The following CDC42BPB variants were observed in gnomAD, a reference collection of about 807,000 sequenced individuals.
The protein encoded by CDC42BPB is serine/threonine-protein kinase MRCK beta.
CDC42BPB carries 37 observed loss-of-function variants against 214.9 expected under a neutral mutation model. The observed-to-expected ratio is 0.17, with a 90% CI of 0.13 to 0.23. The LOEUF (loss-of-function observed/expected upper bound fraction) is 0.23. CDC42BPB is among the 10% of genes least tolerant of loss of function. The pLI, the probability that CDC42BPB is intolerant of heterozygous loss-of-function variation, is 1.00. For missense variants in CDC42BPB, 1,694 were observed against 2,227.0 expected (o/e 0.76, Z 4.82); for synonymous variants, 931 against 884.0 (o/e 1.05, Z -0.94).
intron 3 of CDC42BPB, among the ~76,000 whole-genome samples, chr14:103,007,671 A>T (rs577801508): frequency 6.6e-6 from 1 of 152,330 alleles, no homozygotes; most frequent in Middle Eastern, 3.4e-3. Context: ...TCAGAGACAC[A>T]CGGGGCCACA....
At chr14:102,963,552 C>T (rs200311023) in intron 19 of CDC42BPB, among the ~76,000 whole-genome samples, 10 of 152,336 alleles carry the variant, frequency 6.6e-5, no homozygotes, top group Admixed American at 3.3e-4. Flanking sequence ...ACCACCCGCA[C>T]GGGTAGCCTT....
intron 27 of CDC42BPB, 128 bp from the exon 28 acceptor site, chr14:102,946,812 C>A (rs1595453770): frequency 4.8e-6 from 7 of 1,459,460 alleles, no homozygotes; most frequent in Admixed American, 5.0e-5. Flanking sequence ...CAGGCAGGGA[C>A]CCCTGACTCC....
intron 36 of CDC42BPB, among the ~76,000 whole-genome samples, chr14:102,934,679 C>G (rs1418845491): frequency 6.6e-6 from 1 of 152,128 alleles, no homozygotes; most frequent in Admixed American, 6.5e-5. Flanking sequence ...AATAAAACAG[C>G]TAACCATACC....
chr14:102,980,823 G>A lies in CDC42BPB; in HGVS notation c.1090C>T (p.Pro364Ser). 2 of 1,614,140 alleles carry A rather than the reference G, an allele frequency of 1.2e-6. No homozygotes were observed. The highest frequency in any genetic ancestry group is 2.2e-5 in the East Asian group (1 of 44,884). The change falls in exon 8 of 37, where the codon CCC (proline) becomes TCC (serine). Residue 364 changes from proline to serine, a missense_variant. By Grantham distance (74) the Pro-to-Ser change is moderately conservative. Around this residue, in one of 7 missense-constraint regions of CDC42BPB, gnomAD observed 225 missense variants for 459.3 expected, o/e 0.49. Coordinates refer to ENST00000361246, the MANE Select transcript of CDC42BPB (RefSeq NM_006035.4). ...EAPYIPDVSS[P>S]SDTSNFDVDD... ...ACGTCGAAGTTGGATGTGTCAGAGG[G>A]ACTGCTCACATCAGGAATATAAGGT...
chr14:103,049,129 T>C (rs1888463844), intron 1 of CDC42BPB, among the ~76,000 whole-genome samples: 1 of 152,212 alleles, frequency 6.6e-6, no homozygotes, highest in Non-Finnish European at 1.5e-5. Context: ...AGAACAGTTC[T>C]AAGGCCTCTT....
At chr14:103,026,096 C>T (rs574957622) in intron 1 of CDC42BPB, among the ~76,000 whole-genome samples, 160 of 152,218 alleles carry the variant, frequency 1.1e-3, no homozygotes, top group Non-Finnish European at 1.6e-3. Flanking sequence ...AGAACTCAAA[C>T]TACGAAACAC....
intron 23 of CDC42BPB, among the ~76,000 whole-genome samples, chr14:102,953,850 G>C (rs1249262114): frequency 1.3e-5 from 2 of 152,174 alleles, no homozygotes; most frequent in African/African-American, 4.8e-5. Context: ...TCTAAGTGCA[G>C]GCAGACAAAT....
chr14:103,026,039 C>T (rs1273493895), intron 1 of CDC42BPB, among the ~76,000 whole-genome samples: 2 of 152,074 alleles, frequency 1.3e-5, no homozygotes, highest in Non-Finnish European at 2.9e-5. Flanking sequence ...CTACCTCACA[C>T]CATATACAAA....
At chr14:102,966,905 G>T in intron 17 of CDC42BPB, 141 bp downstream of exon 17, 1 of 946,412 alleles carries the variant, frequency 1.1e-6, no homozygotes, top group Non-Finnish European at 1.6e-6. Flanking sequence ...GAGAAGTTCT[G>T]GGGAACAGCA....
chr14:102,946,330 C>T, intron 28 of CDC42BPB, 138 bp downstream of exon 28: 2 of 968,670 alleles, frequency 2.1e-6, no homozygotes, highest in South Asian at 1.6e-5. Context: ...GCCTCGTCTG[C>T]TTCTTAACAT....
At position 102,949,866 on chromosome 14, in the gene CDC42BPB, G is replaced by A. The variant is rs771156852; in HGVS notation, c.3348C>T (p.Arg1116=). 9.2e-5 allele frequency: 149 copies of A among 1,613,656 alleles called. No homozygotes were observed. Among genetic ancestry groups the A allele is most frequent in the East Asian group, 7.8e-4 (35 of 44,870 alleles). Residue 1116 remains arginine, a synonymous_variant, in exon 26 of 37, where the codon CGC becomes CGT. Coordinates refer to ENST00000361246, the MANE Select transcript of CDC42BPB (RefSeq NM_006035.4). Reference sequence around the variant, plus strand: ...TGCAGTCACAGACGACTGCATATGCGCGCTGCCATCCCTTCTTCACCCCCG... The same window carrying A: ...TGCAGTCACAGACGACTGCATATGCACGCTGCCATCCCTTCTTCACCCCCG... ...KPTGVKKGWQ[R]AYAVVCDCKL... is the part of the protein sequence containing the mutation.
chr14:103,014,528 G>C (rs559319430), intron 1 of CDC42BPB, among the ~76,000 whole-genome samples: 1 of 152,136 alleles, frequency 6.6e-6, no homozygotes, highest in African/African-American at 2.4e-5. Flanking sequence ...GCTACAATTA[G>C]CTCCAAAACA....
chr14:103,029,858 C>CAAAAAAA (rs11299296), intron 1 of CDC42BPB, among the ~76,000 whole-genome samples: 16 of 62,364 alleles, frequency 2.6e-4, no homozygotes, highest in Admixed American at 4.7e-4. Context: ...ACTCCATCTC[C>CAAAAAAA]AAAAAAAAAA....
intron 1 of CDC42BPB, among the ~76,000 whole-genome samples, chr14:103,044,653 G>C (rs565735785): frequency 9.5e-4 from 144 of 152,064 alleles, no homozygotes; most frequent in African/African-American, 3.2e-3. Flanking sequence ...ACGGGCGTGA[G>C]CCACCACGCC....
chr14:103,003,881 A>G, intron 4 of CDC42BPB, 47 bp downstream of exon 4: 1 of 1,473,288 alleles, frequency 6.8e-7, no homozygotes, highest in Non-Finnish European at 9.4e-7. Flanking sequence ...ATAAAGGAAT[A>G]AAGCCGGAGC....
chr14:102,971,947 A>G lies in CDC42BPB; in HGVS notation c.1856T>C (p.Met619Thr). ...TTTCCTGAGCTTCTCAGCTCTCCGC[A>G]TTTCCTGCCGCATGGCGTCCACCTT... ...TQKVDAMRQE[M>T]RRAEKLRKEL... Residue 619 changes from methionine (M) to threonine (T), a missense_variant, in exon 13 of 37, where the codon ATG (methionine) becomes ACG (threonine). Met to Thr is a moderately conservative substitution (Grantham distance 81). Around this residue, in one of 7 missense-constraint regions of CDC42BPB, gnomAD observed 462 missense variants for 513.5 expected, o/e 0.90. Coordinates refer to ENST00000361246, the MANE Select transcript of CDC42BPB (RefSeq NM_006035.4). 1 of 1,614,160 alleles carries G rather than the reference A, an allele frequency of 6.2e-7. No homozygotes were observed. The highest frequency in any genetic ancestry group is 1.1e-5 in the South Asian group (1 of 91,084).
chr14:102,995,626 G>C (rs987647451), intron 5 of CDC42BPB, among the ~76,000 whole-genome samples: 4 of 152,234 alleles, frequency 2.6e-5, no homozygotes, highest in Non-Finnish European at 5.9e-5. Context: ...AAGGCTTTTG[G>C]GGTCCAGCTG....
intron 4 of CDC42BPB, among the ~76,000 whole-genome samples, chr14:103,003,504 C>A (rs1595133049): frequency 6.6e-6 from 1 of 152,106 alleles, no homozygotes; most frequent in Non-Finnish European, 1.5e-5. Context: ...CCTGGGGCAC[C>A]CCCCCCACCG....
At chr14:103,032,572 T>A (rs989182234) in intron 1 of CDC42BPB, among the ~76,000 whole-genome samples, 2 of 146,276 alleles carry the variant, frequency 1.4e-5, no homozygotes, top group African/African-American at 5.0e-5. Context: ...GAGAAAGAGC[T>A]TACAGATTAA....
Sources: allele counts gnomAD v4.1 joint callset (sites outside exome capture counted in the v4.1 genomes callset), GRCh38; gene constraint gnomAD v4.1.1; regional missense constraint gnomAD v4.1.1; transcripts MANE v1.5; gene names NCBI Gene and HGNC (gene_info 2026-07-23, HGNC 2026-07-21).